The following MROH2A variants were observed in gnomAD, a reference collection of about 807,000 sequenced individuals.
MROH2A encodes the protein maestro heat-like repeat-containing protein family member 2A.
A neutral mutation model predicts 200.4 loss-of-function variants in MROH2A; 174 were observed. The ratio of observed to expected loss-of-function variants is 0.87; its 90% CI spans 0.77 to 0.98. The LOEUF (loss-of-function observed/expected upper bound fraction) is 0.98. Among genes scored for constraint, MROH2A ranks in the 50% least tolerant of loss-of-function variants. The pLI is 0.00. For missense variants in MROH2A, 2,045 were observed against 2,139.6 expected, an observed-to-expected ratio of 0.96 and a Z score of 0.87; for synonymous variants, 829 against 840.4, an observed-to-expected ratio of 0.99 and a Z score of 0.23.
In MROH2A at chr2:233,794,416, C is replaced by T; in HGVS notation, c.876C>T (p.Pro292=). The change falls in exon 8 of 42, where the codon CCC becomes CCT. Residue 292 remains proline (P), a synonymous_variant. Transcript: ENST00000389758. ...AGCCCATGCTCGGCCTCCTTCTGCC[C>T]AACGATGACCTGCGGGAGCAGGTCT... ...SLKPMLGLLL[P]NDDLREQVYD... 2 of 1,550,176 alleles carry T rather than the reference C, an allele frequency of 1.3e-6. No individual in the cohort carries two copies. Among genetic ancestry groups the T allele is most frequent in the East Asian group, 2.4e-5 (1 of 40,882 alleles).
At position 233,800,006 on chromosome 2, in the gene MROH2A, T is replaced by A. The variant is rs376158390; in HGVS notation, c.1449+107T>A. 3.3e-5 allele frequency: 47 copies of A among 1,423,728 alleles called. No homozygotes were observed. The East Asian group carries it at 9.9e-4, about 30-fold the overall frequency. 88.2% of individuals were successfully genotyped at this position (1,423,728 alleles called of 1,614,324 possible). A position where few individuals can be genotyped will look rare whatever the true frequency, so the allele number is the denominator to read the frequency against. ...GCGTACCTGTGTTCAAACCTGCGTATCCATTCATGACAGGAGTTCATAGAC... is the reference window on the plus strand; with the variant it reads ...GCGTACCTGTGTTCAAACCTGCGTAACCATTCATGACAGGAGTTCATAGAC... On this transcript the variant is annotated intron_variant, in intron 13 of 41. Coordinates refer to ENST00000389758, the MANE Select transcript of MROH2A (RefSeq NM_001394639.1).
intron 22 of MROH2A, among the ~76,000 whole-genome samples, 188 bp downstream of exon 22, chr2:233,809,466 T>G (rs1224765742): frequency 2.0e-5 from 3 of 149,258 alleles, no homozygotes; most frequent in African/African-American, 2.5e-5. Context: ...GCAGAGGGGC[T>G]GGGGGGCGGG....
At chr2:233,830,766 CT>C (rs1704678540) in intron 38 of MROH2A, among the ~76,000 whole-genome samples, 1 of 152,242 alleles carries the variant, frequency 6.6e-6, no homozygotes, top group Non-Finnish European at 1.5e-5. Context: ...CCACATCCCT[CT>C]GCCACACCAT....
intron 38 of MROH2A, among the ~76,000 whole-genome samples, chr2:233,830,056 C>T (rs1559487168): frequency 6.6e-6 from 1 of 152,110 alleles, no homozygotes; most frequent in African/African-American, 2.4e-5. Context: ...CCTCCTCTGC[C>T]CAAACCCTTT....
intron 35 of MROH2A, among the ~76,000 whole-genome samples, chr2:233,826,060 G>T (rs1704286474): frequency 6.6e-6 from 1 of 151,788 alleles, no homozygotes. Context: ...GAGTAGCTGG[G>T]ACTGTAGGCA....
intron 11 of MROH2A, among the ~76,000 whole-genome samples, chr2:233,798,089 G>A (rs922873420): frequency 6.6e-6 from 1 of 152,110 alleles, no homozygotes; most frequent in Non-Finnish European, 1.5e-5. Context: ...CTAGCCTTGA[G>A]TGCAGTATCA....
In MROH2A at chr2:233,789,995, C is replaced by T; in HGVS notation, c.552C>T (p.Ala184=). ...LTDEFVIITL[A]KLANGNVFEF... ...ATGAATTTGTCATCATCACACTGGC[C>T]AAGCTGGCCAACGGCAATGGTAGGG... Residue 184 remains alanine (A), a synonymous_variant, in exon 5 of 42, where the codon GCC becomes GCT. Transcript: ENST00000389758. 1 of 1,549,770 alleles carries T rather than the reference C, an allele frequency of 6.5e-7. No homozygotes were observed. The highest frequency in any genetic ancestry group is 8.7e-7 in the Non-Finnish European group (1 of 1,146,528).
At chr2:233,800,435 G>A (rs1225819686) in intron 14 of MROH2A, 120 bp downstream of exon 14, 2 of 645,298 alleles carry the variant, frequency 3.1e-6, no homozygotes, top group Non-Finnish European at 5.3e-6. Flanking sequence ...GTGTTGAGGG[G>A]CCTTCCTCTT....
chr2:233,828,454 C>A lies in MROH2A; in HGVS notation c.4114-176C>A. 1 of 667,088 alleles carries A rather than the reference C, an allele frequency of 1.5e-6. No homozygotes were observed. The highest frequency in any genetic ancestry group is 2.1e-5 in the South Asian group (1 of 46,802). 41.3% of individuals were successfully genotyped at this position (667,088 alleles called of 1,614,324 possible). A position where few individuals can be genotyped will look rare whatever the true frequency, so the allele number is the denominator to read the frequency against. On this transcript the variant is annotated intron_variant, in intron 35 of 41. Coordinates refer to ENST00000389758, the MANE Select transcript of MROH2A (RefSeq NM_001394639.1). The surrounding 1 kb of genome is among the most constrained non-coding windows in gnomAD (Gnocchi z 4.6). ...TTCCTTATTAAATCCCCACACAGAC[C>A]CTGAGGCAGGTACTAGCATCACCCG...
rs2126139949 is a variant in MROH2A at position 233,807,905 on chromosome 2, G to A, written c.2295+50G>A. ...GGGTCTTGGGATCTCTTAGCACAGTGCTCTGGGCACTGACACAAAGTCCTT... is the reference window on the plus strand; with the variant it reads ...GGGTCTTGGGATCTCTTAGCACAGTACTCTGGGCACTGACACAAAGTCCTT... On this transcript the variant is annotated intron_variant, in intron 21 of 41. Coordinates refer to ENST00000389758, the MANE Select transcript of MROH2A (RefSeq NM_001394639.1). This position sits in a 1 kb window ranked among gnomAD's most constrained non-coding sequence, Gnocchi z 4.3. 1 of 1,549,334 alleles carries A rather than the reference G, an allele frequency of 6.5e-7. No homozygotes were observed. Among genetic ancestry groups the A allele is most frequent in the Non-Finnish European group, 8.7e-7 (1 of 1,145,890 alleles).
At position 233,818,272 on chromosome 2, in the gene MROH2A, G is replaced by A. The variant is rs74840034; in HGVS notation, c.3085+147G>A. 6.8e-4 allele frequency: 685 copies of A among 1,008,182 alleles called. 5 individuals carry two copies. In the East Asian group the frequency reaches 0.014, roughly 21 times the overall value. 62.5% of individuals were successfully genotyped at this position (1,008,182 alleles called of 1,614,324 possible). A position where few individuals can be genotyped will look rare whatever the true frequency, so the allele number is the denominator to read the frequency against. On this transcript the variant is annotated intron_variant, in intron 28 of 41. Coordinates refer to ENST00000389758, the MANE Select transcript of MROH2A (RefSeq NM_001394639.1). ...CAAACACAGGTGACCATCAGAGGGA[G>A]CAGTGAGGGGAGAGTTCACCAACAG...
At chr2:233,824,423 G>T (rs1271577236) in intron 35 of MROH2A, among the ~76,000 whole-genome samples, 2 of 152,192 alleles carry the variant, frequency 1.3e-5, no homozygotes, top group African/African-American at 2.4e-5. Flanking sequence ...GGTTCTTCAG[G>T]CCCCTCCCTG....
intron 40 of MROH2A, 71 bp from the exon 41 acceptor site, chr2:233,832,508 G>A: frequency 1.6e-6 from 2 of 1,249,652 alleles, no homozygotes; most frequent in South Asian, 1.3e-5. Flanking sequence ...CGTAAAGTAA[G>A]TAAACCACAG....
Position 233,819,471 on chromosome 2 carries a change from TGGCAGAGCCGC to T in MROH2A, c.3357+8_3357+18del. 1 of 1,549,740 alleles carries T rather than the reference TGGCAGAGCCGC, an allele frequency of 6.5e-7. No homozygotes were observed. Among genetic ancestry groups the T allele is most frequent in the Non-Finnish European group, 8.7e-7 (1 of 1,146,724 alleles). On this transcript the variant is annotated splice_donor_5th_base_variant and intron_variant, in intron 30 of 41. Coordinates refer to ENST00000389758, the MANE Select transcript of MROH2A (RefSeq NM_001394639.1). ...CGGGCCAAGGAGCTGGAGGACAAGG[TGGCAGAGCCGC>T]GGCAGGGCCACCAGAGAGAGGGGCT...
intron 3 of MROH2A, among the ~76,000 whole-genome samples, chr2:233,787,596 T>TATATATCATATATACATATATTA (rs1286025940): frequency 9.1e-5 from 3 of 32,856 alleles, no homozygotes. Context: ...CATATATATA[T>TATATATCATATATACATATATTA]TATATATTAT....
chr2:233,793,216 A>G (rs1333817398), intron 6 of MROH2A, among the ~76,000 whole-genome samples: 2 of 152,192 alleles, frequency 1.3e-5, no homozygotes, highest in Non-Finnish European at 2.9e-5. Flanking sequence ...CAGGAGAGGG[A>G]GACCGGGGAA....
chr2:233,802,037 G>C, intron 14 of MROH2A, 131 bp from the exon 15 acceptor site: 1 of 1,050,312 alleles, frequency 9.5e-7, no homozygotes. Context: ...CCAGTTCAGG[G>C]CTGAGACTGT....
At position 233,829,706 on chromosome 2, in the gene MROH2A, A is replaced by C. The variant is rs1704583083; in HGVS notation, c.4533A>C (p.Lys1511Asn). 1 of 1,495,368 alleles carries C rather than the reference A, an allele frequency of 6.7e-7. No homozygotes were observed. Among genetic ancestry groups the C allele is most frequent in the East Asian group, 2.7e-5 (1 of 36,390 alleles). The allele number at this position is 1,495,368 out of a possible 1,614,324, so 92.6% of individuals were successfully genotyped here. A position where few individuals can be genotyped will look rare whatever the true frequency, so the allele number is the denominator to read the frequency against. Residue 1511 changes from lysine (K) to asparagine (N), a missense_variant, in exon 38 of 42, where the codon AAA (lysine) becomes AAC (asparagine). Physicochemically the swap from Lys to Asn is moderately conservative, Grantham distance 94. Coordinates refer to ENST00000389758, the MANE Select transcript of MROH2A (RefSeq NM_001394639.1). ...VVGMSKKHFFKGEVKKAWIPL... is the reference protein window; with the variant it reads ...VVGMSKKHFFNGEVKKAWIPL... ...GGATGTCCAAGAAGCATTTCTTCAAAGGGGAGGTGAAGAAGGCCTGGATCC... is the reference window on the plus strand; with the variant it reads ...GGATGTCCAAGAAGCATTTCTTCAACGGGGAGGTGAAGAAGGCCTGGATCC...
chr2:233,791,540 C>G (rs973943707), intron 5 of MROH2A, among the ~76,000 whole-genome samples: 1 of 151,994 alleles, frequency 6.6e-6, no homozygotes, highest in Admixed American at 6.5e-5. Context: ...GCGCGGAGTT[C>G]AGAGGGCAGG....
Sources: gnomAD v4.1 joint callset for allele counts (sites outside exome capture counted in the v4.1 genomes callset) on GRCh38, gnomAD v4.1.1 for gene constraint, Gnocchi (gnomAD v3.1) non-coding constraint, MANE v1.5 for transcripts, NCBI Gene and HGNC (gene_info 2026-07-23, HGNC 2026-07-21) for gene names.